Variants in CNTN4 observed in about 807,000 individuals in gnomAD.
CNTN4 encodes contactin 4.
CNTN4 carries 77 observed loss-of-function variants against 122.5 expected under a neutral mutation model. That is an observed-to-expected ratio of 0.63 (90% CI 0.52 to 0.76). CNTN4 has a LOEUF of 0.76. CNTN4 is among the 30% of genes least tolerant of loss of function. The probability of loss-of-function intolerance (pLI) is 0.00; values close to 1 mark genes in which losing one functional copy is unlikely to be tolerated. For missense variants in CNTN4, 1,256 were observed against 1,259.1 expected, an observed-to-expected ratio of 1.00 and a Z score of 0.04; for synonymous variants, 512 against 447.0, an observed-to-expected ratio of 1.15 and a Z score of -1.83.
intron 23 of CNTN4, among the ~76,000 whole-genome samples, chr3:3,047,684 T>C (rs1352058330): frequency 6.7e-6 from 1 of 149,588 alleles, no homozygotes; most frequent in Non-Finnish European, 1.5e-5. Flanking sequence ...AGGAAAGATC[T>C]AAAATTGACA....
At chr3:2,725,418 A>C (rs938776762) in intron 4 of CNTN4, among the ~76,000 whole-genome samples, 1 of 152,144 alleles carries the variant, frequency 6.6e-6, no homozygotes, top group Non-Finnish European at 1.5e-5. Context: ...GAGATTCTTT[A>C]TGCGTAGAAA....
chr3:2,598,003 T>C (rs1374687227), intron 4 of CNTN4, among the ~76,000 whole-genome samples: 1 of 152,230 alleles, frequency 6.6e-6, no homozygotes, highest in Non-Finnish European at 1.5e-5. Flanking sequence ...TGCTGAAATT[T>C]TTATTCATGC....
chr3:2,320,542 C>T (rs2043243627), intron 2 of CNTN4, among the ~76,000 whole-genome samples: 1 of 151,986 alleles, frequency 6.6e-6, no homozygotes. Context: ...TGTAGTTGAC[C>T]TTCATAATGT....
intron 13 of CNTN4, among the ~76,000 whole-genome samples, chr3:2,962,534 G>A (rs902946356): frequency 6.6e-6 from 1 of 152,198 alleles, no homozygotes; most frequent in African/African-American, 2.4e-5. Flanking sequence ...TGAATCTAAG[G>A]TGTCCCTCTG....
At chr3:2,852,808 A>G (rs565514621) in intron 7 of CNTN4, among the ~76,000 whole-genome samples, 1 of 152,364 alleles carries the variant, frequency 6.6e-6, no homozygotes, top group Admixed American at 6.5e-5. Flanking sequence ...TTTAAAATAG[A>G]ACAAAGCATG....
chr3:2,935,220 C>A (rs2094557432), intron 13 of CNTN4, among the ~76,000 whole-genome samples: 1 of 152,066 alleles, frequency 6.6e-6, no homozygotes, highest in Non-Finnish European at 1.5e-5. Flanking sequence ...TTGCTCTAGT[C>A]ATGTGGCATA....
chr3:2,457,869 A>G (rs1431779965), intron 3 of CNTN4, among the ~76,000 whole-genome samples: 1 of 152,128 alleles, frequency 6.6e-6, no homozygotes, highest in Non-Finnish European at 1.5e-5. Context: ...TCAGTTGAGA[A>G]AGCACAGATA....
At chr3:2,445,814 C>G (rs1369736777) in intron 3 of CNTN4, among the ~76,000 whole-genome samples, 9 of 152,152 alleles carry the variant, frequency 5.9e-5, no homozygotes, top group Non-Finnish European at 1.0e-4. Context: ...GAACCCATCT[C>G]TCTCCACCAC....
chr3:2,194,426 A>C (rs575547215), intron 2 of CNTN4, among the ~76,000 whole-genome samples: 1 of 152,208 alleles, frequency 6.6e-6, no homozygotes, highest in African/African-American at 2.4e-5. Context: ...GCGCCACTGC[A>C]CTCCAGCCTG....
chr3:2,362,403 T>C (rs1026528216), intron 3 of CNTN4: 11 of 343,754 alleles, frequency 3.2e-5, no homozygotes, highest in African/African-American at 2.0e-4. Flanking sequence ...TTCCTGGGGG[T>C]GTAGCCCCAA....
At chr3:2,974,019 C>T (rs1693190848) in intron 13 of CNTN4, among the ~76,000 whole-genome samples, 1 of 152,170 alleles carries the variant, frequency 6.6e-6, no homozygotes, top group African/African-American at 2.4e-5. Context: ...CACTGAGCAA[C>T]ATAGTTCTCT....
chr3:2,884,639 A>G lies in CNTN4; in HGVS notation c.755+1392A>G, dbSNP rs531424736. On this transcript the variant is annotated intron_variant, in intron 9 of 24. Coordinates refer to ENST00000418658, the MANE Select transcript of CNTN4 (RefSeq NM_175607.3). ...TATTTTTATTTTAAAGTATTTGTGT[A>G]TAAGCATTTATATATATGAAATTAA... Among the ~76,000 whole-genome samples the G allele has an allele frequency of 5.9e-5, 9 of 152,324 alleles. No homozygotes were observed. In the East Asian group the frequency reaches 1.5e-3, roughly 26 times the overall value.
chr3:2,250,090 G>T (rs1196297457), intron 2 of CNTN4, among the ~76,000 whole-genome samples: 2 of 151,860 alleles, frequency 1.3e-5, no homozygotes, highest in African/African-American at 2.4e-5. Flanking sequence ...ATATAGAGAA[G>T]ATGGCTCATT....
intron 6 of CNTN4, among the ~76,000 whole-genome samples, chr3:2,798,366 A>ATCTATCTATCTATCTATCT (rs57013365): frequency 0.22 from 29,125 of 135,260 alleles, 3,617 homozygotes; most frequent in Middle Eastern, 0.3. Context: ...TACACACATA[A>ATCTATCTATCTATCTATCT]ATCTATCTAT....
At chr3:2,455,755 G>A (rs911170748) in intron 3 of CNTN4, among the ~76,000 whole-genome samples, 1 of 152,050 alleles carries the variant, frequency 6.6e-6, no homozygotes, top group Non-Finnish European at 1.5e-5. Flanking sequence ...TTATTGAGCA[G>A]AGATAACATT....
intron 14 of CNTN4, among the ~76,000 whole-genome samples, chr3:3,002,943 C>T (rs1696193719): frequency 6.6e-6 from 1 of 152,184 alleles, no homozygotes; most frequent in South Asian, 2.1e-4. Flanking sequence ...CCAACCAGCT[C>T]ATCCACGAAT....
intron 4 of CNTN4, among the ~76,000 whole-genome samples, chr3:2,613,361 C>G (rs1336583275): frequency 6.6e-6 from 1 of 151,990 alleles, no homozygotes; most frequent in Non-Finnish European, 1.5e-5. Flanking sequence ...TTAGATCAAC[C>G]GTGATTCAAC....
chr3:2,686,601 T>C (rs2085442275), intron 4 of CNTN4, among the ~76,000 whole-genome samples: 1 of 152,146 alleles, frequency 6.6e-6, no homozygotes, highest in Non-Finnish European at 1.5e-5. Flanking sequence ...ATCACCACAA[T>C]CAAGCTAATG....
chr3:2,895,885 T>C (rs1052496323), intron 10 of CNTN4, among the ~76,000 whole-genome samples: 1 of 151,846 alleles, frequency 6.6e-6, no homozygotes, highest in Non-Finnish European at 1.5e-5. Context: ...ATACAAAAAT[T>C]AGCCGAGCGT....
Sources: allele counts gnomAD v4.1 joint callset (sites outside exome capture counted in the v4.1 genomes callset), GRCh38; gene constraint gnomAD v4.1.1; transcripts MANE v1.5; gene names NCBI Gene and HGNC (gene_info 2026-07-23, HGNC 2026-07-21).